The following AP4E1 variants were observed in gnomAD, a reference collection of about 807,000 sequenced individuals.
AP4E1 encodes the protein adaptor related protein complex 4 subunit epsilon 1, also known as AP-4 complex subunit epsilon-1.
In AP4E1, 56 loss-of-function variants were observed where a neutral mutation model predicts 128.2. The ratio of observed to expected loss-of-function variants is 0.44; its 90% CI spans 0.35 to 0.55. The LOEUF is 0.55. AP4E1 is among the 20% of genes least tolerant of loss of function. The pLI is 0.00. For synonymous variants in AP4E1, 484 were observed against 473.1 expected (o/e 1.02, Z -0.30); for missense variants, 1,324 against 1,307.7 (o/e 1.01, Z -0.19).
At position 50,993,482 on chromosome 15, in the gene AP4E1, G is replaced by C; in HGVS notation, c.2203G>C (p.Glu735Gln). The C allele has an allele frequency of 6.2e-7, 1 of 1,614,004 alleles. No individual in the cohort carries two copies. The highest frequency in any genetic ancestry group is 8.5e-7 in the Non-Finnish European group (1 of 1,179,984). Residue 735 changes from glutamate to glutamine, a missense_variant, in exon 17 of 21, where the codon GAG becomes CAG. Transcript: ENST00000261842. The stretch of plus-strand genomic sequence containing the variant: ...AAGTGGAGCTCTGCCTGTTCCTCAA[G>C]AGAGTATAATGGAGAATGTAGATCA... ...DESGALPVPQ[E>Q]SIMENVDQAI...
chr15:50,977,269 GGGGAGATATAATA>G (rs2064564563), intron 15 of AP4E1, among the ~76,000 whole-genome samples: 1 of 152,124 alleles, frequency 6.6e-6, no homozygotes, highest in Non-Finnish European at 1.5e-5. Context: ...GGATAGGGAA[GGGGAGATATAATA>G]GGGAGACTAT....
At chr15:51,002,357 T>C (rs2064974516) in intron 20 of AP4E1, 145 bp from the exon 21 acceptor site, 1 of 774,686 alleles carries the variant, frequency 1.3e-6, no homozygotes, top group East Asian at 2.6e-5. Context: ...AGTATCTCAC[T>C]GTGGTTTCAA....
intron 3 of AP4E1, among the ~76,000 whole-genome samples, chr15:50,916,764 CTCTT>C (rs2063635926): frequency 6.6e-6 from 1 of 152,206 alleles, no homozygotes; most frequent in Non-Finnish European, 1.5e-5. Context: ...TTCTCTTTCT[CTCTT>C]TCCATATTCC....
intron 8 of AP4E1, among the ~76,000 whole-genome samples, chr15:50,936,719 A>G (rs1240712638): frequency 6.6e-6 from 1 of 152,168 alleles, no homozygotes; most frequent in Non-Finnish European, 1.5e-5. Flanking sequence ...GCGGATCACA[A>G]GGTCGGGAGT....
intron 13 of AP4E1, among the ~76,000 whole-genome samples, chr15:50,951,787 C>T (rs1045439815): frequency 1.3e-4 from 18 of 139,196 alleles, no homozygotes; most frequent in Admixed American, 4.6e-4. Context: ...AGTGCAGTGG[C>T]GTGAACTCAG....
chr15:50,968,558 G>A (rs1340961101), intron 15 of AP4E1, among the ~76,000 whole-genome samples, 181 bp downstream of exon 15: 1 of 152,076 alleles, frequency 6.6e-6, no homozygotes. Flanking sequence ...AGTTAGCCAA[G>A]AGATATTGCT....
Position 50,923,964 on chromosome 15 carries a change from G to C in AP4E1, c.380G>C (p.Ser127Thr). The C allele has an allele frequency of 1.2e-6, 2 of 1,612,158 alleles. No homozygotes were observed. The highest frequency in any genetic ancestry group is 8.5e-7 in the Non-Finnish European group (1 of 1,178,638). ...YLAVSLFLHE[S>T]HELLLLLVNT... The stretch of plus-strand genomic sequence containing the variant: ...GCTGTTTCCTTATTTCTACATGAAA[G>C]TCATGAATTATTGCTTCTCCTTGTG... The change falls in exon 4 of 21, where the codon AGT (serine) becomes ACT (threonine). Residue 127 changes from serine to threonine, a missense_variant. Coordinates refer to ENST00000261842, the MANE Select transcript of AP4E1 (RefSeq NM_007347.5).
intron 15 of AP4E1, among the ~76,000 whole-genome samples, chr15:50,969,929 G>T (rs950981662): frequency 6.6e-6 from 1 of 152,128 alleles, no homozygotes; most frequent in Non-Finnish European, 1.5e-5. Context: ...AAAGTGCTGG[G>T]ACTACCGGCG....
chr15:50,991,264 A>G (rs1217668679), intron 16 of AP4E1, among the ~76,000 whole-genome samples: 1 of 152,158 alleles, frequency 6.6e-6, no homozygotes, highest in East Asian at 1.9e-4. Context: ...TGTCCTCCAC[A>G]TCGGCCTTTT....
At chr15:50,999,353 T>C in intron 19 of AP4E1, 91 bp downstream of exon 19, 2 of 1,134,582 alleles carry the variant, frequency 1.8e-6, no homozygotes, top group Non-Finnish European at 2.5e-6. Context: ...TGTTGGGTGC[T>C]AGGGAGTATA....
chr15:50,943,795 G>A (rs191258761), intron 10 of AP4E1, among the ~76,000 whole-genome samples: 3 of 152,278 alleles, frequency 2.0e-5, no homozygotes, highest in East Asian at 3.9e-4. Context: ...TGATTAATGG[G>A]CTGGTAGCAT....
chr15:50,959,829 A>G (rs1264977501), intron 14 of AP4E1, among the ~76,000 whole-genome samples: 1 of 152,224 alleles, frequency 6.6e-6, no homozygotes, highest in Non-Finnish European at 1.5e-5. Flanking sequence ...ATTAAAATAT[A>G]TAGGCTGGCT....
At position 50,993,271 on chromosome 15, in the gene AP4E1, A is replaced by T. The variant is rs993540643; in HGVS notation, c.2091-99A>T. On this transcript the variant is annotated intron_variant, in intron 16 of 20. Transcript: ENST00000261842. ...AGAATATAATGTGACAGTTGTTTTT[A>T]AAAGGCCATGGGCATTGATATGTTT... is the stretch of plus-strand genomic sequence containing the variant. The T allele has an allele frequency of 5.4e-6, 7 of 1,295,314 alleles. No homozygotes were observed. The African/African-American group carries it at 8.9e-5, about 16-fold the overall frequency. The allele number at this position is 1,295,314 out of a possible 1,614,324, so 80.2% of individuals were successfully genotyped here.
At chr15:50,957,676 T>TTTC (rs1189492035) in intron 13 of AP4E1, among the ~76,000 whole-genome samples, 10 of 140,742 alleles carry the variant, frequency 7.1e-5, no homozygotes, top group Non-Finnish European at 1.5e-4. Context: ...CGTTTCTTTT[T>TTTC]TTTTTTTTTT....
At chr15:50,919,487 G>A (rs1372378626) in intron 3 of AP4E1, among the ~76,000 whole-genome samples, 2 of 150,666 alleles carry the variant, frequency 1.3e-5, no homozygotes, top group African/African-American at 4.9e-5. Flanking sequence ...AGCTGAGATC[G>A]CACCATTGCA....
At chr15:50,939,498 C>A (rs1213262537) in intron 8 of AP4E1, among the ~76,000 whole-genome samples, 1 of 151,778 alleles carries the variant, frequency 6.6e-6, no homozygotes, top group Non-Finnish European at 1.5e-5. Context: ...AGTGGCTGCT[C>A]TTTCAATTAT....
chr15:50,946,171 T>G (rs2064059475), intron 10 of AP4E1, among the ~76,000 whole-genome samples: 1 of 152,056 alleles, frequency 6.6e-6, no homozygotes. Context: ...AAAGACTATC[T>G]AACTATTTTA....
At chr15:50,931,226 A>G (rs931632871) in intron 7 of AP4E1, among the ~76,000 whole-genome samples, 2 of 152,234 alleles carry the variant, frequency 1.3e-5, no homozygotes, top group African/African-American at 2.4e-5. Context: ...TGCTTTCGTA[A>G]TTGTTCTAGT....
chr15:50,908,961 A>G lies in AP4E1; in HGVS notation c.150+33A>G, dbSNP rs76674534. ...CCCGCCGGCCCGGGAGCTCAGGGAC[A>G]TCGGAGTGAGGCCCCCGCGCCAGGA... On this transcript the variant is annotated intron_variant, in intron 1 of 20. Transcript: ENST00000261842. 266,646 of 1,607,292 alleles carry G rather than the reference A, an allele frequency of 0.17. 23,737 individuals are homozygous for G. The highest frequency in any genetic ancestry group is 0.29 in the Admixed American group (17,050 of 59,402).
Sources: allele counts gnomAD v4.1 joint callset (sites outside exome capture counted in the v4.1 genomes callset), GRCh38; gene constraint gnomAD v4.1.1; transcripts MANE v1.5; gene names NCBI Gene and HGNC (gene_info 2026-07-23, HGNC 2026-07-21).